The following STAG1 variants were observed in gnomAD, a reference collection of about 807,000 sequenced individuals.
The protein encoded by STAG1 is cohesin subunit SA-1.
In STAG1, 26 loss-of-function variants were observed where a neutral mutation model predicts 170.9. The ratio of observed to expected loss-of-function variants is 0.15; its 90% CI spans 0.11 to 0.21. STAG1 has a LOEUF of 0.21. STAG1 is among the 10% of genes least tolerant of loss of function. STAG1 has a pLI of 1.00. For synonymous variants in STAG1, 514 were observed against 497.7 expected, an observed-to-expected ratio of 1.03 and a Z score of -0.44; for missense variants, 964 against 1,509.5, an observed-to-expected ratio of 0.64 and a Z score of 5.99.
At chr3:136,416,546 G>A (rs1353533627) in intron 21 of STAG1, among the ~76,000 whole-genome samples, 16 of 152,294 alleles carry the variant, frequency 1.1e-4, no homozygotes, top group Admixed American at 1.0e-3. Flanking sequence ...GGAGAAAATG[G>A]AGAAAAGGAT....
intron 3 of STAG1, among the ~76,000 whole-genome samples, chr3:136,619,020 T>C (rs1420417241): frequency 1.3e-5 from 2 of 152,042 alleles, no homozygotes; most frequent in Admixed American, 1.3e-4. Flanking sequence ...CATATTTACA[T>C]GTGTATATGT....
intron 4 of STAG1, among the ~76,000 whole-genome samples, chr3:136,580,522 T>A (rs1483160867): frequency 1.0e-5 from 1 of 98,216 alleles, no homozygotes; most frequent in Non-Finnish European, 2.2e-5. Flanking sequence ...TGTATAATTC[T>A]TTTTTTTTTT....
At chr3:136,457,546 T>C (rs1343005207) in intron 13 of STAG1, among the ~76,000 whole-genome samples, 2 of 152,114 alleles carry the variant, frequency 1.3e-5, no homozygotes, top group Admixed American at 1.3e-4. Context: ...CATACCAGCG[T>C]TGGCCCCCTG....
chr3:136,721,473 G>GT (rs1392040645), intron 1 of STAG1: 13 of 152,126 alleles, frequency 8.5e-5, no homozygotes, highest in Admixed American at 8.5e-4. Flanking sequence ...CCATTTTAGT[G>GT]TATGTGCTGC....
intron 16 of STAG1, among the ~76,000 whole-genome samples, chr3:136,429,380 C>T (rs1468882582): frequency 6.6e-6 from 1 of 152,132 alleles, no homozygotes; most frequent in African/African-American, 2.4e-5. Flanking sequence ...GCACTCCAGC[C>T]TGGATGACAA....
At chr3:136,727,929 G>T (rs924218897) in intron 1 of STAG1, among the ~76,000 whole-genome samples, 1 of 152,036 alleles carries the variant, frequency 6.6e-6, no homozygotes, top group Non-Finnish European at 1.5e-5. Context: ...AGGCTGAGAC[G>T]GGTAGATCAC....
intron 23 of STAG1, among the ~76,000 whole-genome samples, chr3:136,373,853 A>G (rs548044832): frequency 5.1e-4 from 77 of 152,278 alleles, no homozygotes; most frequent in African/African-American, 1.8e-3. Flanking sequence ...GTAGATGTTT[A>G]TTAGGTCTGC....
chr3:136,638,425 A>G (rs925098072), intron 1 of STAG1, among the ~76,000 whole-genome samples: 4 of 152,046 alleles, frequency 2.6e-5, no homozygotes, highest in African/African-American at 9.7e-5. Flanking sequence ...ATGAGCCACC[A>G]AGTCCAACCT....
chr3:136,613,242 T>A (rs1474276688), intron 3 of STAG1, among the ~76,000 whole-genome samples: 1 of 138,418 alleles, frequency 7.2e-6, no homozygotes, highest in Non-Finnish European at 1.5e-5. Flanking sequence ...GAGGCGGAGC[T>A]TGCAGTGAGC....
chr3:136,677,879 GATATATAT>G (rs1180496236), intron 1 of STAG1, among the ~76,000 whole-genome samples: 1 of 147,012 alleles, frequency 6.8e-6, no homozygotes, highest in Non-Finnish European at 1.5e-5. Context: ...GATCATTTCT[GATATATAT>G]ATCATATATA....
At chr3:136,433,716 T>G in intron 15 of STAG1, 57 bp from the exon 16 acceptor site, 5 of 1,187,110 alleles carry the variant, frequency 4.2e-6, no homozygotes, top group Non-Finnish European at 6.2e-6. Flanking sequence ...AACCATGTAT[T>G]AAAAATGAAC....
intron 3 of STAG1, among the ~76,000 whole-genome samples, chr3:136,619,170 G>A (rs955611510): frequency 1.1e-4 from 17 of 151,638 alleles, no homozygotes; most frequent in Admixed American, 9.9e-4. Context: ...CTTCTGTGTT[G>A]GAAATTATTT....
intron 16 of STAG1, among the ~76,000 whole-genome samples, chr3:136,427,228 CAAA>C (rs1207772784): frequency 4.5e-5 from 5 of 110,040 alleles, no homozygotes; most frequent in Non-Finnish European, 3.8e-5. Context: ...GACTCCAACT[CAAA>C]AAAAAAAAAA....
rs1940305727 is a variant in STAG1, at chr3:136,630,857, T to C, written c.29+13A>G. The C allele has an allele frequency of 3.9e-6, 6 of 1,535,520 alleles. No homozygotes were observed. Among genetic ancestry groups the C allele is most frequent in the South Asian group, 1.2e-5 (1 of 81,524 alleles). Reference sequence around the variant, plus strand: ...CTTAAAAAATATAAAAAAAAGAAAATTACAATACTTACTGTAACACTGGTA... The same window carrying C: ...CTTAAAAAATATAAAAAAAAGAAAACTACAATACTTACTGTAACACTGGTA... On this transcript the variant is annotated intron_variant, in intron 2 of 33. Transcript: ENST00000383202.
intron 5 of STAG1, among the ~76,000 whole-genome samples, chr3:136,551,513 G>C (rs938522747): frequency 6.9e-6 from 1 of 144,574 alleles, no homozygotes; most frequent in African/African-American, 2.6e-5. Context: ...CTCCTCAACT[G>C]AAGCGATGCC....
intron 1 of STAG1, among the ~76,000 whole-genome samples, chr3:136,710,585 C>A (rs1325861016): frequency 6.6e-6 from 1 of 152,136 alleles, no homozygotes; most frequent in East Asian, 1.9e-4. Flanking sequence ...AATGTGCATA[C>A]TGTATTTCAC....
chr3:136,687,647 T>C (rs1001289891), intron 1 of STAG1, among the ~76,000 whole-genome samples: 23 of 151,998 alleles, frequency 1.5e-4, no homozygotes, highest in African/African-American at 5.3e-4. Flanking sequence ...AATCTAAGAG[T>C]CAGTTGTGTT....
At chr3:136,594,826 A>G (rs1218930564) in intron 4 of STAG1, among the ~76,000 whole-genome samples, 1 of 152,096 alleles carries the variant, frequency 6.6e-6, no homozygotes, top group African/African-American at 2.4e-5. Flanking sequence ...GCTGGAGTGC[A>G]ATGGCACAAT....
In STAG1 at chr3:136,677,935, TTA is replaced by T. The variant is rs1265003701; in HGVS notation, c.-83-46956_-83-46955del. Among the ~76,000 whole-genome samples the T allele has an allele frequency of 2.7e-5, 4 of 147,356 alleles. No homozygotes were observed. The South Asian group carries it at 6.3e-4, about 23-fold the overall frequency. The stretch of plus-strand genomic sequence containing the variant: ...TATATATTTAGTACTTTGATATATA[TTA>T]TATATTATATTTTATATATGTATAT... On this transcript the variant is annotated intron_variant, in intron 1 of 33. Coordinates refer to ENST00000383202, the MANE Select transcript of STAG1 (RefSeq NM_005862.3).
Sources: allele counts gnomAD v4.1 joint callset (sites outside exome capture counted in the v4.1 genomes callset), GRCh38; gene constraint gnomAD v4.1.1; transcripts MANE v1.5; gene names NCBI Gene and HGNC (gene_info 2026-07-23, HGNC 2026-07-21).